Variants in CASP8 observed in about 807,000 individuals in gnomAD.
CASP8 encodes caspase 8.
In CASP8, 24 loss-of-function variants were observed where a neutral mutation model predicts 46.3. The ratio of observed to expected loss-of-function variants is 0.52; its 90% CI spans 0.38 to 0.73. The LOEUF (loss-of-function observed/expected upper bound fraction) is 0.73, where lower values mean the gene tolerates loss of function less well. Ranked by LOEUF, CASP8 falls within the 30% of genes least tolerant of loss-of-function variation. The probability of loss-of-function intolerance (pLI) is 0.00; values close to 1 mark genes in which losing one functional copy is unlikely to be tolerated. For missense variants in CASP8, 460 were observed against 559.0 expected (o/e 0.82, Z 1.79); for synonymous variants, 188 against 200.4 (o/e 0.94, Z 0.52).
At chr2:201,236,547 T>A (rs1946053324) in intron 2 of CASP8, among the ~76,000 whole-genome samples, 1 of 152,190 alleles carries the variant, frequency 6.6e-6, no homozygotes, top group Admixed American at 6.5e-5. Flanking sequence ...ACCCTAATAA[T>A]TCCACCAGAG....
Position 201,287,060 on chromosome 2 carries a change from C to A in CASP8, c.*466C>A. ...ATAACACTGTCTCCTTTCTCTTATG[C>A]TTAAGGCTTTGGGAATGTTTTTAGC... is the stretch of plus-strand genomic sequence containing the variant. On this transcript the variant is annotated 3_prime_UTR_variant, in exon 9 of 9. Coordinates refer to ENST00000673742, the MANE Select transcript of CASP8 (RefSeq NM_001372051.1). The A allele has an allele frequency of 5.3e-6, 1 of 187,326 alleles. No individual in the cohort carries two copies. The highest frequency in any genetic ancestry group is 1.0e-4 in the South Asian group (1 of 9,680). The allele number at this position is 187,326 out of a possible 1,614,324, so 11.6% of individuals were successfully genotyped here.
At chr2:201,260,354 C>G (rs1171339014), upstream of CASP8, 1 of 161,992 alleles carries the variant, frequency 6.2e-6, no homozygotes, top group Non-Finnish European at 1.3e-5. Context: ...CTCAGGTGGC[C>G]AGGTGCCCTG....
chr2:201,279,513 G>A (rs1948862501), intron 7 of CASP8, among the ~76,000 whole-genome samples: 1 of 152,148 alleles, frequency 6.6e-6, no homozygotes, highest in Admixed American at 6.5e-5. Flanking sequence ...GAAATGATCA[G>A]GTCCCCAACC....
At chr2:201,274,742 G>A in intron 5 of CASP8, 147 bp from the exon 6 acceptor site, 1 of 687,496 alleles carries the variant, frequency 1.5e-6, no homozygotes, top group Non-Finnish European at 2.6e-6. Flanking sequence ...CTCCCAAAGT[G>A]CTGGGATTAC....
chr2:201,266,861 C>A lies in CASP8; in HGVS notation c.305+70C>A. On this transcript the variant is annotated intron_variant, in intron 2 of 8. Transcript: ENST00000673742. The surrounding 1 kb of genome is among the most constrained non-coding windows in gnomAD (Gnocchi z 5.7). The stretch of plus-strand genomic sequence containing the variant: ...TGGACAGCCTCTGAGCTGATTGGGG[C>A]TTTTTTTTGTGGTACCCTGCCTAGT... 8.2e-7 allele frequency: 1 copy of A among 1,224,134 alleles called. No homozygotes were observed. Among genetic ancestry groups the A allele is most frequent in the Non-Finnish European group, 1.2e-6 (1 of 868,834 alleles). The allele number at this position is 1,224,134 out of a possible 1,614,324, so 75.8% of individuals were successfully genotyped here.
At position 201,287,029 on chromosome 2, in the gene CASP8, A is replaced by C; in HGVS notation, c.*435A>C. ...AGAGCTAAAGTTAAATAGGATATTA[A>C]CAACAATAACACTGTCTCCTTTCTC... On this transcript the variant is annotated 3_prime_UTR_variant, in exon 9 of 9. Coordinates refer to ENST00000673742, the MANE Select transcript of CASP8 (RefSeq NM_001372051.1). 4.5e-6 allele frequency: 1 copy of C among 221,212 alleles called. No homozygotes were observed. The highest frequency in any genetic ancestry group is 9.4e-6 in the Non-Finnish European group (1 of 106,938). The allele number at this position is 221,212 out of a possible 1,614,324, so 13.7% of individuals were successfully genotyped here.
intron 2 of CASP8, among the ~76,000 whole-genome samples, chr2:201,247,230 A>T (rs764084580): frequency 1.3e-5 from 2 of 151,050 alleles, no homozygotes; most frequent in Non-Finnish European, 1.5e-5. Context: ...AATTTTAGGA[A>T]GAAATCTATC....
chr2:201,245,179 A>G (rs1946456668), intron 2 of CASP8, among the ~76,000 whole-genome samples: 1 of 152,162 alleles, frequency 6.6e-6, no homozygotes, highest in South Asian at 2.1e-4. Context: ...CCTGGGAATC[A>G]ACCATCTAAG....
intron 7 of CASP8, among the ~76,000 whole-genome samples, chr2:201,279,227 ATTC>A (rs1948842845): frequency 6.6e-6 from 1 of 152,244 alleles, no homozygotes; most frequent in Non-Finnish European, 1.5e-5. Context: ...GCCAGCAACT[ATTC>A]TTATTCTACC....
Position 201,276,919 on chromosome 2 carries a change from G to A in CASP8, c.753G>A (p.Val251=). The change falls in exon 7 of 9, where the codon GTG becomes GTA. Residue 251 remains valine (V), a synonymous_variant. Transcript: ENST00000673742. The stretch of plus-strand genomic sequence containing the variant: ...ATTTTGCAAAAGCACGGGAGAAAGT[G>A]CCCAAACTTCACAGCATTAGGGACA... ...NHNFAKAREK[V]PKLHSIRDRN... 1 of 1,614,066 alleles carries A rather than the reference G, an allele frequency of 6.2e-7. No homozygotes were observed. Among genetic ancestry groups the A allele is most frequent in the Non-Finnish European group, 8.5e-7 (1 of 1,179,928 alleles).
At chr2:201,269,218 C>T (rs1357831936) in intron 2 of CASP8, among the ~76,000 whole-genome samples, 1 of 152,098 alleles carries the variant, frequency 6.6e-6, no homozygotes, top group Non-Finnish European at 1.5e-5. Flanking sequence ...GGATTACGGG[C>T]ATGAGCCACT....
At chr2:201,251,628 C>T (rs1428596849) in intron 2 of CASP8, among the ~76,000 whole-genome samples, 7 of 150,172 alleles carry the variant, frequency 4.7e-5, no homozygotes, top group East Asian at 1.9e-4. Context: ...AATGGCCAGG[C>T]GCAGTGGCTC....
chr2:201,258,462 C>A, upstream of CASP8: 1 of 1,560,096 alleles, frequency 6.4e-7, no homozygotes, highest in Non-Finnish European at 8.8e-7. Context: ...AGAAACAGGG[C>A]TGTGGGGGTG....
At chr2:201,241,304 A>G (rs917902358) in intron 2 of CASP8, 2 of 152,210 alleles carry the variant, frequency 1.3e-5, no homozygotes, top group Admixed American at 6.5e-5. Context: ...AAAATCAACA[A>G]ATCCCTAGTT....
intron 8 of CASP8, among the ~76,000 whole-genome samples, chr2:201,285,785 A>G (rs1949530468): frequency 6.6e-6 from 1 of 152,230 alleles, no homozygotes. Context: ...CAAAAGTTCT[A>G]TAATAGCAAA....
At position 201,272,296 on chromosome 2, in the gene CASP8, C is replaced by T. The variant is rs1948318532; in HGVS notation, c.412-342C>T. On this transcript the variant is annotated intron_variant, in intron 3 of 8. Transcript: ENST00000673742. This position sits in a 1 kb window ranked among gnomAD's most constrained non-coding sequence, Gnocchi z 4.4. ...TGGAGAGGCAATGCTGGGGGTGAGG[C>T]TGTTCCCCAGGGTGTCACCATGATG... 6.6e-6 allele frequency among the ~76,000 whole-genome samples: 1 copy of T among 152,120 alleles called. No homozygotes were observed. The highest frequency in any genetic ancestry group is 1.9e-4 in the East Asian group (1 of 5,176).
chr2:201,270,747 G>C (rs551167116), intron 2 of CASP8, among the ~76,000 whole-genome samples: 1 of 152,230 alleles, frequency 6.6e-6, no homozygotes. Flanking sequence ...GCCCAGGCTG[G>C]TCTCAAACCC....
chr2:201,252,889 T>C (rs1298330425), intron 2 of CASP8, among the ~76,000 whole-genome samples: 2 of 152,172 alleles, frequency 1.3e-5, no homozygotes, highest in African/African-American at 2.4e-5. Context: ...AATCCACTTA[T>C]TATGGAGGGG....
chr2:201,273,138 A>C (rs185065852), intron 5 of CASP8, among the ~76,000 whole-genome samples, 196 bp downstream of exon 5: 1 of 151,446 alleles, frequency 6.6e-6, no homozygotes, highest in Admixed American at 6.6e-5. Context: ...GCTCACTGCA[A>C]TCTCCGCCTC....
Sources: allele counts gnomAD v4.1 joint callset (sites outside exome capture counted in the v4.1 genomes callset), GRCh38; gene constraint gnomAD v4.1.1; non-coding constraint Gnocchi (gnomAD v3.1); transcripts MANE v1.5; gene names NCBI Gene and HGNC (gene_info 2026-07-23, HGNC 2026-07-21).